Variants in SLC10A7 observed in about 807,000 individuals in gnomAD.
SLC10A7 encodes solute carrier family 10 member 7.
Under a neutral mutation model 43.2 loss-of-function variants are expected in SLC10A7, and 29 were observed. That is an observed-to-expected ratio of 0.67 (90% CI 0.50 to 0.92). The LOEUF (loss-of-function observed/expected upper bound fraction) is 0.92, where lower values mean the gene tolerates loss of function less well. Among genes scored for constraint, SLC10A7 ranks in the 40% least tolerant of loss-of-function variants. The pLI, the probability that SLC10A7 is intolerant of heterozygous loss-of-function variation, is 0.00. For missense variants in SLC10A7, 295 were observed against 403.2 expected (o/e 0.73, Z 2.30); for synonymous variants, 152 against 144.8 (o/e 1.05, Z -0.35).
chr4:146,281,631 G>A (rs1411893041), intron 10 of SLC10A7, among the ~76,000 whole-genome samples: 2 of 152,062 alleles, frequency 1.3e-5, no homozygotes, highest in East Asian at 1.9e-4. Context: ...TAGAAGACCT[G>A]AGACACCAGG....
At chr4:146,304,993 C>T (rs147617692) in intron 7 of SLC10A7, among the ~76,000 whole-genome samples, 3,299 of 151,882 alleles carry the variant, frequency 0.022, 115 homozygotes, top group African/African-American at 0.075. Flanking sequence ...TAAACTAGTT[C>T]AACCATTGTG....
intron 5 of SLC10A7, among the ~76,000 whole-genome samples, chr4:146,372,867 A>T (rs536616326): frequency 6.6e-6 from 1 of 152,332 alleles, no homozygotes; most frequent in South Asian, 2.1e-4. Flanking sequence ...ACATTTAGCA[A>T]TATAAATTAT....
chr4:146,508,034 G>GCT (rs1440118910), intron 3 of SLC10A7, among the ~76,000 whole-genome samples: 1 of 152,158 alleles, frequency 6.6e-6, no homozygotes, highest in Non-Finnish European at 1.5e-5. Context: ...ATTTTTAACA[G>GCT]CTCTCTCTCC....
chr4:146,315,705 T>A (rs557883360), intron 6 of SLC10A7, among the ~76,000 whole-genome samples: 7 of 152,246 alleles, frequency 4.6e-5, no homozygotes, highest in African/African-American at 1.7e-4. Context: ...TATTAAACCA[T>A]AAGATCTTTA....
intron 10 of SLC10A7, among the ~76,000 whole-genome samples, chr4:146,268,569 G>A (rs1015026797): frequency 2.6e-5 from 4 of 152,156 alleles, no homozygotes; most frequent in Non-Finnish European, 5.9e-5. Flanking sequence ...AATATTGATT[G>A]TAGCCAATAC....
At position 146,472,269 on chromosome 4, in the gene SLC10A7, A is replaced by T. The variant is rs145207231; in HGVS notation, c.397-29448T>A. ...AGAAAAACACTTCCATGTACGGCATACATACCAGTGTTAGGAAGAAAAACA... is the reference window on the plus strand; with the variant it reads ...AGAAAAACACTTCCATGTACGGCATTCATACCAGTGTTAGGAAGAAAAACA... On this transcript the variant is annotated intron_variant, in intron 4 of 11. Transcript: ENST00000335472. Among the ~76,000 whole-genome samples the T allele has an allele frequency of 4.6e-3, 708 of 152,284 alleles. 2 individuals carry two copies. The highest frequency in any genetic ancestry group is 0.016 in the African/African-American group (660 of 41,564).
intron 6 of SLC10A7, among the ~76,000 whole-genome samples, chr4:146,325,524 C>G (rs1184200472): frequency 6.6e-6 from 1 of 152,160 alleles, no homozygotes; most frequent in Non-Finnish European, 1.5e-5. Flanking sequence ...ATTGAGGCAG[C>G]CTTCCCCAAG....
At chr4:146,306,239 G>T (rs528783118) in intron 6 of SLC10A7, among the ~76,000 whole-genome samples, 1 of 152,118 alleles carries the variant, frequency 6.6e-6, no homozygotes, top group South Asian at 2.1e-4. Flanking sequence ...ATATTGATTT[G>T]CAATCAACCT....
At chr4:146,395,064 C>T (rs1738717526) in intron 5 of SLC10A7, among the ~76,000 whole-genome samples, 1 of 152,078 alleles carries the variant, frequency 6.6e-6, no homozygotes, top group African/African-American at 2.4e-5. Context: ...CTATTACATG[C>T]TTCTCTATTA....
intron 5 of SLC10A7, among the ~76,000 whole-genome samples, chr4:146,358,218 T>C (rs889595702): frequency 3.9e-5 from 6 of 152,002 alleles, no homozygotes; most frequent in Non-Finnish European, 5.9e-5. Flanking sequence ...TGGGACAAAA[T>C]AGTGCTACAA....
At chr4:146,474,777 G>C (rs1733887062) in intron 4 of SLC10A7, among the ~76,000 whole-genome samples, 1 of 152,104 alleles carries the variant, frequency 6.6e-6, no homozygotes, top group Non-Finnish European at 1.5e-5. Flanking sequence ...ATTTAAGTGA[G>C]AGTAAATACA....
At position 146,517,086 on chromosome 4, in the gene SLC10A7, A is replaced by T. The variant is rs1465168350; in HGVS notation, c.135T>A (p.Ile45=). The change falls in exon 2 of 12, where the codon ATT becomes ATA. Residue 45 remains isoleucine, a synonymous_variant. Transcript: ENST00000335472. ...PLKPEITVSY[I]AVATIFFNSG... ...TGTTAAAGAATATTGTTGCAACAGC[A>T]ATGTAGGATACAGTTATTTCTGGCT... The T allele has an allele frequency of 6.2e-7, 1 of 1,610,644 alleles. No individual in the cohort carries two copies. The highest frequency in any genetic ancestry group is 2.2e-5 in the East Asian group (1 of 44,824).
chr4:146,266,942 G>A (rs1728596636), intron 10 of SLC10A7, among the ~76,000 whole-genome samples: 1 of 152,150 alleles, frequency 6.6e-6, no homozygotes, highest in East Asian at 1.9e-4. Flanking sequence ...TATAGCAAGT[G>A]TTCATCCATT....
At chr4:146,317,696 C>A (rs1243419239) in intron 6 of SLC10A7, among the ~76,000 whole-genome samples, 1 of 151,936 alleles carries the variant, frequency 6.6e-6, no homozygotes, top group African/African-American at 2.4e-5. Context: ...TGAATTTACT[C>A]CTGTCTTGAG....
intron 4 of SLC10A7, among the ~76,000 whole-genome samples, chr4:146,452,049 T>C (rs1374931578): frequency 1.3e-5 from 2 of 152,100 alleles, no homozygotes; most frequent in African/African-American, 4.8e-5. Flanking sequence ...AATTTTCTGG[T>C]ACTTGAAGCC....
intron 5 of SLC10A7, among the ~76,000 whole-genome samples, chr4:146,378,032 G>T (rs956321821): frequency 2.0e-5 from 3 of 152,160 alleles, no homozygotes; most frequent in African/African-American, 4.8e-5. Flanking sequence ...TACTCATGCT[G>T]TCTCTATTCT....
chr4:146,342,502 C>T (rs1486702660), intron 5 of SLC10A7, among the ~76,000 whole-genome samples: 1 of 151,608 alleles, frequency 6.6e-6, no homozygotes, highest in East Asian at 1.9e-4. Context: ...AGATCACACA[C>T]AACGTAACAA....
chr4:146,440,196 G>A (rs906250968), intron 5 of SLC10A7, among the ~76,000 whole-genome samples: 11 of 152,086 alleles, frequency 7.2e-5, no homozygotes, highest in African/African-American at 2.4e-4. Flanking sequence ...ACTGAGTTCT[G>A]CAATAAGGAG....
At chr4:146,269,249 C>T (rs1728751706) in intron 10 of SLC10A7, among the ~76,000 whole-genome samples, 1 of 152,220 alleles carries the variant, frequency 6.6e-6, no homozygotes, top group African/African-American at 2.4e-5. Flanking sequence ...AAAGATTTAA[C>T]TCTACCAATT....
Sources: allele counts gnomAD v4.1 joint callset (sites outside exome capture counted in the v4.1 genomes callset), GRCh38; gene constraint gnomAD v4.1.1; transcripts MANE v1.5; gene names NCBI Gene and HGNC (gene_info 2026-07-23, HGNC 2026-07-21).